Variants in SPG21 observed in about 807,000 individuals in gnomAD.
The protein encoded by SPG21 is SPG21 abhydrolase domain containing, maspardin.
In SPG21, 26 loss-of-function variants were observed where a neutral mutation model predicts 38.9. The ratio of observed to expected loss-of-function variants is 0.67; its 90% CI spans 0.49 to 0.93. SPG21 has a LOEUF of 0.93. Among genes scored for constraint, SPG21 ranks in the 40% least tolerant of loss-of-function variants. The probability of loss-of-function intolerance (pLI) is 0.00; values close to 1 mark genes in which losing one functional copy is unlikely to be tolerated. For missense variants in SPG21, 333 were observed against 376.5 expected (o/e 0.88, Z 0.96); for synonymous variants, 136 against 128.9 (o/e 1.05, Z -0.37).
chr15:64,983,442 T>C, intron 2 of SPG21, 65 bp downstream of exon 2: 1 of 1,160,026 alleles, frequency 8.6e-7, no homozygotes. Context: ...AGACATGACA[T>C]CTAAATCACA....
Position 64,969,507 on chromosome 15 carries a change from G to C in SPG21, c.562-145C>G, listed in dbSNP as rs1251507615. The C allele has an allele frequency of 5.9e-6, 4 of 673,060 alleles. No individual in the cohort carries two copies. The African/African-American group carries it at 7.2e-5, about 12-fold the overall frequency. The allele number at this position is 673,060 out of a possible 1,614,324, so 41.7% of individuals were successfully genotyped here. ...TCATCAGTGAGGAACCACAACTTAGGTGAGAGACCATGAACTGGGCTTCTC... is the reference window on the plus strand; with the variant it reads ...TCATCAGTGAGGAACCACAACTTAGCTGAGAGACCATGAACTGGGCTTCTC... On this transcript the variant is annotated intron_variant, in intron 6 of 8. Coordinates refer to ENST00000204566, the MANE Select transcript of SPG21 (RefSeq NM_016630.7).
Position 64,970,235 on chromosome 15 carries a change from A to T in SPG21, c.453-13T>A. 1 of 1,595,470 alleles carries T rather than the reference A, an allele frequency of 6.3e-7. No homozygotes were observed. The highest frequency in any genetic ancestry group is 8.6e-7 in the Non-Finnish European group (1 of 1,163,422). On this transcript the variant is annotated splice_polypyrimidine_tract_variant and intron_variant, in intron 5 of 8. Coordinates refer to ENST00000204566, the MANE Select transcript of SPG21 (RefSeq NM_016630.7). The stretch of plus-strand genomic sequence containing the variant: ...CATCAGCCAAAAGCTGTAAAACACA[A>T]AGACCTTATAATTTAAACTTCCAAG...
Position 64,976,492 on chromosome 15 carries a change from G to C in SPG21, c.289C>G (p.His97Asp). Residue 97 changes from histidine (H) to aspartate (D), a missense_variant, in exon 4 of 9, where the codon CAT becomes GAT. Coordinates refer to ENST00000204566, the MANE Select transcript of SPG21 (RefSeq NM_016630.7). The part of the protein sequence containing the change: ...FCDGFRKLLD[H>D]LQLDKVHLFG... Reference sequence around the variant, plus strand: ...GTACTCACTTTATCCAATTGTAAATGGTCTAAAAGTTTTCTGAATCCATCA... The same window carrying C: ...GTACTCACTTTATCCAATTGTAAATCGTCTAAAAGTTTTCTGAATCCATCA... The C allele has an allele frequency of 6.2e-7, 1 of 1,611,394 alleles. No homozygotes were observed. Among genetic ancestry groups the C allele is most frequent in the Non-Finnish European group, 8.5e-7 (1 of 1,177,670 alleles).
Position 64,963,340 on chromosome 15 carries a change from G to C in SPG21, c.*280C>G. 1 of 397,704 alleles carries C rather than the reference G, an allele frequency of 2.5e-6. No homozygotes were observed. Among genetic ancestry groups the C allele is most frequent in the Non-Finnish European group, 4.6e-6 (1 of 217,178 alleles). 24.6% of individuals were successfully genotyped at this position (397,704 alleles called of 1,614,324 possible). On this transcript the variant is annotated 3_prime_UTR_variant, in exon 9 of 9. Transcript: ENST00000204566. ...TTAACATTCACTTAAGAACACAGTG[G>C]TGAAGACTTTTGGTAGCAAAATTTG...
intron 7 of SPG21, 130 bp downstream of exon 7, chr15:64,969,125 G>T: frequency 1.4e-6 from 1 of 690,060 alleles, no homozygotes; most frequent in South Asian, 1.7e-5. Flanking sequence ...TGAGAAAGCT[G>T]GAGGGTAAAA....
intron 4 of SPG21, among the ~76,000 whole-genome samples, chr15:64,976,239 A>G (rs2085769266): frequency 6.6e-6 from 1 of 152,142 alleles, no homozygotes; most frequent in Non-Finnish European, 1.5e-5. Flanking sequence ...AGCCTGGCCA[A>G]CCTGGCGAAA....
At chr15:64,973,641 G>T (rs1275526962) in intron 5 of SPG21, among the ~76,000 whole-genome samples, 1 of 152,120 alleles carries the variant, frequency 6.6e-6, no homozygotes, top group Non-Finnish European at 1.5e-5. Flanking sequence ...AGTAGACAGG[G>T]TTTCTCCACG....
intron 7 of SPG21, among the ~76,000 whole-genome samples, chr15:64,965,851 G>A (rs568898289): frequency 1.4e-4 from 21 of 151,808 alleles, no homozygotes; most frequent in Non-Finnish European, 2.8e-4. Context: ...ACAGGCATGC[G>A]CCATCACGCC....
intron 4 of SPG21, among the ~76,000 whole-genome samples, chr15:64,975,999 A>C (rs1416349636): frequency 6.6e-6 from 1 of 152,198 alleles, no homozygotes; most frequent in Non-Finnish European, 1.5e-5. Context: ...TTTTGGCATT[A>C]AAAAAATTAT....
chr15:64,968,525 T>C (rs2085593138), intron 7 of SPG21, among the ~76,000 whole-genome samples: 1 of 152,068 alleles, frequency 6.6e-6, no homozygotes, highest in South Asian at 2.1e-4. Context: ...CCGTTGATTA[T>C]CAGAGGCCGG....
Position 64,978,461 on chromosome 15 carries a change from C to T in SPG21, c.226-1906G>A, listed in dbSNP as rs114356680. On this transcript the variant is annotated intron_variant, in intron 3 of 8. Coordinates refer to ENST00000204566, the MANE Select transcript of SPG21 (RefSeq NM_016630.7). ...AGACTCCATCTCCAAAAAACAAAAA[C>T]AAAAACAAAAAAACTCCCCCAAAAA... is the stretch of plus-strand genomic sequence containing the variant. Among the ~76,000 whole-genome samples, 1,141 of 151,792 alleles carry T rather than the reference C, an allele frequency of 7.5e-3. 9 individuals carry two copies. The highest frequency in any genetic ancestry group is 0.026 in the African/African-American group (1,086 of 41,420).
Position 64,969,346 on chromosome 15 carries a change from T to C in SPG21, c.578A>G (p.Gln193Arg), listed in dbSNP as rs752040456. The C allele has an allele frequency of 6.2e-7, 1 of 1,613,556 alleles. No homozygotes were observed. The highest frequency in any genetic ancestry group is 8.5e-7 in the Non-Finnish European group (1 of 1,179,472). Reference sequence around the variant, plus strand: ...GGTAAGTCTTGAAGCCAGTTCACTCTGACCCAAACTTTCTAGCTGCAGGAA... The same window carrying C: ...GGTAAGTCTTGAAGCCAGTTCACTCCGACCCAAACTTTCTAGCTGCAGGAA... The part of the protein sequence containing the change: ...FMVDRLESLG[Q>R]SELASRLTLN... Residue 193 changes from glutamine (Q) to arginine (R), a missense_variant, in exon 7 of 9, where the codon CAG becomes CGG. Transcript: ENST00000204566.
chr15:64,975,878 T>C (rs58418704), intron 4 of SPG21, among the ~76,000 whole-genome samples: 52,281 of 152,066 alleles, frequency 0.34, 10,155 homozygotes, highest in South Asian at 0.49. Context: ...TATGATACGA[T>C]TCCACTTATG....
At chr15:64,980,765 A>AAACT in intron 3 of SPG21, 99 bp downstream of exon 3, 5 of 1,363,954 alleles carry the variant, frequency 3.7e-6, no homozygotes, top group East Asian at 4.7e-5. Flanking sequence ...ACAAACAAAC[A>AAACT]AACAAACTGT....
chr15:64,983,958 AT>A (rs1441730165), intron 1 of SPG21, among the ~76,000 whole-genome samples: 7 of 151,992 alleles, frequency 4.6e-5, no homozygotes, highest in African/African-American at 1.7e-4. Context: ...TAATTTTTGT[AT>A]TTTTAGTAGG....
At chr15:64,979,845 C>CAAAAA (rs71136305) in intron 3 of SPG21, among the ~76,000 whole-genome samples, 3 of 89,518 alleles carry the variant, frequency 3.4e-5, no homozygotes, top group Admixed American at 1.2e-4. Flanking sequence ...TGGAAGCATG[C>CAAAAA]AAAAAAAAAA....
rs763948243 is a variant in SPG21, at chr15:64,980,944, G to A, written c.145C>T (p.Leu49=). 1 of 1,614,042 alleles carries A rather than the reference G, an allele frequency of 6.2e-7. No individual in the cohort carries two copies. Among genetic ancestry groups the A allele is most frequent in the East Asian group, 2.2e-5 (1 of 44,894 alleles). Residue 49 remains leucine, a synonymous_variant, in exon 3 of 9, where the codon CTG becomes TTG. Transcript: ENST00000204566. Reference sequence around the variant, plus strand: ...TCTGCAGTTCCACTGACAGGGGGCAGGAATATGAGAGGACACCTGATACTT... The same window carrying A: ...TCTGCAGTTCCACTGACAGGGGGCAAGAATATGAGAGGACACCTGATACTT... ...PRSIRCPLIF[L]PPVSGTADVF... is the part of the protein sequence containing the mutation.
intron 3 of SPG21, among the ~76,000 whole-genome samples, chr15:64,979,819 A>C (rs1369056355): frequency 6.7e-6 from 1 of 149,524 alleles, no homozygotes; most frequent in African/African-American, 2.5e-5. Context: ...TTAGGAGACC[A>C]ATGTCCTGAC....
chr15:64,965,528 A>G, intron 7 of SPG21, 68 bp from the exon 8 acceptor site: 1 of 1,600,732 alleles, frequency 6.2e-7, no homozygotes, highest in East Asian at 2.2e-5. Context: ...AGAAAGCTGT[A>G]ATCAACTAGT....
Sources: allele counts gnomAD v4.1 joint callset (sites outside exome capture counted in the v4.1 genomes callset), GRCh38; gene constraint gnomAD v4.1.1; transcripts MANE v1.5; gene names NCBI Gene and HGNC (gene_info 2026-07-23, HGNC 2026-07-21).